Variants in SLC9B2 observed in about 807,000 individuals in gnomAD.
The protein encoded by SLC9B2 is solute carrier family 9 member B2.
In SLC9B2, 39 loss-of-function variants were observed where a neutral mutation model predicts 52.2. The ratio of observed to expected loss-of-function variants is 0.75; its 90% CI spans 0.58 to 0.98. The LOEUF is 0.98. Ranked by LOEUF, SLC9B2 falls within the 50% of genes least tolerant of loss-of-function variation. SLC9B2 has a pLI of 0.00. For missense variants in SLC9B2, 626 were observed against 637.5 expected (o/e 0.98, Z 0.19); for synonymous variants, 214 against 227.0 (o/e 0.94, Z 0.51).
chr4:103,025,819 A>G lies in SLC9B2; in HGVS notation c.*551T>C, dbSNP rs2110565191. Reference sequence around the variant, plus strand: ...AATGAAGATACTTCATGTACTTTAAAATTTTGGTGGGACCAATCAGTTACA... The same window carrying G: ...AATGAAGATACTTCATGTACTTTAAGATTTTGGTGGGACCAATCAGTTACA... On this transcript the variant is annotated 3_prime_UTR_variant, in exon 12 of 12. Coordinates refer to ENST00000394785, the MANE Select transcript of SLC9B2 (RefSeq NM_178833.7). The G allele has an allele frequency of 6.6e-6, 1 of 152,350 alleles. No homozygotes were observed. Among genetic ancestry groups the G allele is most frequent in the African/African-American group, 2.4e-5 (1 of 41,558 alleles). The allele number at this position is 152,350 out of a possible 1,614,324, so 9.4% of individuals were successfully genotyped here.
Position 103,043,428 on chromosome 4 carries a change from C to G in SLC9B2, c.1014G>C (p.Lys338Asn). 6.2e-7 allele frequency: 1 copy of G among 1,607,218 alleles called. No individual in the cohort carries two copies. The highest frequency in any genetic ancestry group is 8.5e-7 in the Non-Finnish European group (1 of 1,177,982). ...PSRDQDKLVCKRTFLVLGLSV... is the reference protein window; with the variant it reads ...PSRDQDKLVCNRTFLVLGLSV... The stretch of plus-strand genomic sequence containing the variant: ...ACAACCCCAACACAAGGAATGTTCT[C>G]TTACACACAAGTTTGTCCTTTAGGA... The change falls in exon 9 of 12, where the codon AAG (lysine) becomes AAC (asparagine). Residue 338 changes from lysine to asparagine, a missense_variant. By Grantham distance (94) the Lys-to-Asn change is moderately conservative (BLOSUM62 0). Transcript: ENST00000394785.
chr4:103,065,367 T>C (rs1330427311), intron 3 of SLC9B2: 1 of 152,154 alleles, frequency 6.6e-6, no homozygotes, highest in Admixed American at 6.5e-5. Flanking sequence ...ACAGTGAATG[T>C]ATTGTGTTCT....
At chr4:103,049,698 C>T (rs1744489737) in intron 5 of SLC9B2, among the ~76,000 whole-genome samples, 2 of 152,118 alleles carry the variant, frequency 1.3e-5, no homozygotes, top group Admixed American at 1.3e-4. Flanking sequence ...CATAGACAGA[C>T]TCTACCTTTC....
At chr4:103,043,587 A>C in intron 8 of SLC9B2, 142 bp from the exon 9 acceptor site, 1 of 706,036 alleles carries the variant, frequency 1.4e-6, no homozygotes. Flanking sequence ...ACTACATAAC[A>C]TTTACTTTCT....
chr4:103,036,542 A>G (rs757523914), intron 9 of SLC9B2, among the ~76,000 whole-genome samples: 5 of 152,148 alleles, frequency 3.3e-5, no homozygotes, highest in Non-Finnish European at 7.4e-5. Context: ...AAAAAGAAAC[A>G]TGGGCAAAAC....
In SLC9B2 at chr4:103,066,356, T is replaced by G. The variant is rs200766604; in HGVS notation, c.242A>C (p.His81Pro). 6.2e-6 allele frequency: 10 copies of G among 1,614,036 alleles called. No homozygotes were observed. The East Asian group carries it at 1.6e-4, about 25-fold the overall frequency. Residue 81 changes from histidine (H) to proline (P), a missense_variant, in exon 3 of 12, where the codon CAT becomes CCT. Physicochemically the swap from His to Pro is moderately conservative, Grantham distance 77 (BLOSUM62 -2). Coordinates refer to ENST00000394785, the MANE Select transcript of SLC9B2 (RefSeq NM_178833.7). ...RLRQMLACPPHGLLDRVITNV... is the reference protein window; with the variant it reads ...RLRQMLACPPPGLLDRVITNV... ...TGTTATGACCCTGTCCAGTAAACCA[T>G]GTGGAGGGCAAGCCAGCATTTGTCT...
At chr4:103,019,242 T>C (rs1741605593), downstream of SLC9B2, among the ~76,000 whole-genome samples, 1 of 152,096 alleles carries the variant, frequency 6.6e-6, no homozygotes, top group Non-Finnish European at 1.5e-5. Context: ...GAAGGTTTAT[T>C]TGCAGGGATC....
In SLC9B2 at chr4:103,050,257, G is replaced by T. The variant is rs756724965; in HGVS notation, c.568C>A (p.Leu190Ile). 22 of 1,594,554 alleles carry T rather than the reference G, an allele frequency of 1.4e-5. No individual in the cohort carries two copies. In the East Asian group the frequency reaches 4.8e-4, roughly 35 times the overall value. Reference sequence around the variant, plus strand: ...TTTCATACCTTTGAATCCAGACCAAGGCCAGCACGAACCAGAATGATAGAC... The same window carrying T: ...TTTCATACCTTTGAATCCAGACCAATGCCAGCACGAACCAGAATGATAGAC... ...ALSIILVRAG[L>I]GLDSKALKKL... The change falls in exon 5 of 12, where the codon CTT becomes ATT. Residue 190 changes from leucine (L) to isoleucine (I), a missense_variant. Physicochemically the swap from Leu to Ile is conservative, Grantham distance 5. Coordinates refer to ENST00000394785, the MANE Select transcript of SLC9B2 (RefSeq NM_178833.7).
At chr4:103,037,457 A>C (rs1374142847) in intron 9 of SLC9B2, among the ~76,000 whole-genome samples, 1 of 152,214 alleles carries the variant, frequency 6.6e-6, no homozygotes, top group Non-Finnish European at 1.5e-5. Flanking sequence ...AGTTTGACAA[A>C]GAAGGATTAC....
At position 103,076,744 on chromosome 4, in the gene SLC9B2, C is replaced by A. The variant is rs937205412; in HGVS notation, c.-603G>T. On this transcript the variant is annotated 5_prime_UTR_variant, in exon 1 of 12. Coordinates refer to ENST00000394785, the MANE Select transcript of SLC9B2 (RefSeq NM_178833.7). Reference sequence around the variant, plus strand: ...TACCCAGAGAGCGCGGACCCAGGCGCCGAGTCTTCCCGGAGATGACGAGAC... The same window carrying A: ...TACCCAGAGAGCGCGGACCCAGGCGACGAGTCTTCCCGGAGATGACGAGAC... 1.3e-5 allele frequency: 2 copies of A among 152,308 alleles called. No homozygotes were observed. Among genetic ancestry groups the A allele is most frequent in the African/African-American group, 2.4e-5 (1 of 41,480 alleles). 9.4% of individuals were successfully genotyped at this position (152,308 alleles called of 1,614,324 possible).
At position 103,025,910 on chromosome 4, in the gene SLC9B2, T is replaced by C. The variant is rs1269362244; in HGVS notation, c.*460A>G. 2 of 152,468 alleles carry C rather than the reference T, an allele frequency of 1.3e-5. No individual in the cohort carries two copies. The highest frequency in any genetic ancestry group is 1.9e-4 in the East Asian group (1 of 5,216). The allele number at this position is 152,468 out of a possible 1,614,324, so 9.4% of individuals were successfully genotyped here. On this transcript the variant is annotated 3_prime_UTR_variant, in exon 12 of 12. Coordinates refer to ENST00000394785, the MANE Select transcript of SLC9B2 (RefSeq NM_178833.7). Reference sequence around the variant, plus strand: ...AGAGGCAGATTATCAGGGTAAATGATGGTAAAAATTAATGAGAGACTGCAT... The same window carrying C: ...AGAGGCAGATTATCAGGGTAAATGACGGTAAAAATTAATGAGAGACTGCAT...
Position 103,047,194 on chromosome 4 carries a change from A to G in SLC9B2, c.746T>C (p.Val249Ala). Reference protein sequence around the residue: ...FVLGAVSPAVVVPSMLLLQGG... With the variant: ...FVLGAVSPAVAVPSMLLLQGG... ...CTGCAAAAGGAGCATTGAAGGCACC[A>G]CAACAGCTGGAGATACAGCACCTAA... Residue 249 changes from valine (V) to alanine (A), a missense_variant, in exon 7 of 12, where the codon GTG (valine) becomes GCG (alanine). Coordinates refer to ENST00000394785, the MANE Select transcript of SLC9B2 (RefSeq NM_178833.7). The G allele has an allele frequency of 6.2e-7, 1 of 1,613,802 alleles. No homozygotes were observed. Among genetic ancestry groups the G allele is most frequent in the Non-Finnish European group, 8.5e-7 (1 of 1,179,878 alleles).
intron 9 of SLC9B2, among the ~76,000 whole-genome samples, chr4:103,036,427 G>C (rs917735397): frequency 1.3e-5 from 2 of 151,790 alleles, no homozygotes; most frequent in Non-Finnish European, 2.9e-5. Context: ...GATTACCTGG[G>C]TGACAAAATT....
intron 4 of SLC9B2, among the ~76,000 whole-genome samples, chr4:103,054,356 A>T (rs1336128472): frequency 6.6e-6 from 1 of 152,226 alleles, no homozygotes; most frequent in Non-Finnish European, 1.5e-5. Flanking sequence ...TGCTACATAA[A>T]ATGCGATCTT....
chr4:103,040,027 AG>A, intron 9 of SLC9B2, among the ~76,000 whole-genome samples: 1 of 152,098 alleles, frequency 6.6e-6, no homozygotes, highest in East Asian at 1.9e-4. Flanking sequence ...TAGTATTTGT[AG>A]GCCTTGGTTT....
chr4:103,031,549 A>G (rs1482850936), intron 10 of SLC9B2, 151 bp downstream of exon 10: 1 of 509,636 alleles, frequency 2.0e-6, no homozygotes, highest in East Asian at 3.1e-5. Context: ...AACTTACATC[A>G]TAATTAACTT....
At position 103,023,193 on chromosome 4, in the gene SLC9B2, T is replaced by C. The variant is rs552993709; in HGVS notation, c.*3177A>G. On this transcript the variant is annotated 3_prime_UTR_variant, in exon 12 of 12. Coordinates refer to ENST00000394785, the MANE Select transcript of SLC9B2 (RefSeq NM_178833.7). ...CTTCCTCTCAGATTTAGTCAGTAAA[T>C]GTTTATTAAATGTCTACTGTGTTCC... 6.6e-6 allele frequency among the ~76,000 whole-genome samples: 1 copy of C among 152,320 alleles called. No homozygotes were observed. Among genetic ancestry groups the C allele is most frequent in the African/African-American group, 2.4e-5 (1 of 41,572 alleles).
intron 9 of SLC9B2, among the ~76,000 whole-genome samples, chr4:103,039,013 C>T (rs941611199): frequency 1.3e-5 from 2 of 152,170 alleles, no homozygotes; most frequent in Non-Finnish European, 2.9e-5. Flanking sequence ...AATATTGCTA[C>T]AGCCCTGTAG....
chr4:103,046,038 A>T (rs925804441), intron 7 of SLC9B2, among the ~76,000 whole-genome samples: 1 of 152,212 alleles, frequency 6.6e-6, no homozygotes, highest in Non-Finnish European at 1.5e-5. Flanking sequence ...TAATGAAAAC[A>T]ATGTTTTAAG....
Sources: allele counts gnomAD v4.1 joint callset (sites outside exome capture counted in the v4.1 genomes callset), GRCh38; gene constraint gnomAD v4.1.1; transcripts MANE v1.5; gene names NCBI Gene and HGNC (gene_info 2026-07-23, HGNC 2026-07-21).